PTPN11: variants seen among roughly 807,000 people sequenced by gnomAD.
The protein encoded by PTPN11 is protein tyrosine phosphatase non-receptor type 11.
A neutral mutation model predicts 78.8 loss-of-function variants in PTPN11; 6 were observed. The observed-to-expected ratio is 0.08, with a 90% CI of 0.04 to 0.15. The LOEUF (loss-of-function observed/expected upper bound fraction) is 0.15, where lower values mean the gene tolerates loss of function less well. Ranked by LOEUF, PTPN11 falls within the 10% of genes least tolerant of loss-of-function variation. PTPN11 has a pLI of 1.00. For missense variants in PTPN11, 386 were observed against 744.8 expected (o/e 0.52, Z 5.61); for synonymous variants, 221 against 263.5 (o/e 0.84, Z 1.56).
At chr12:112,456,960 T>A (rs2038171333) in intron 6 of PTPN11, among the ~76,000 whole-genome samples, 1 of 152,162 alleles carries the variant, frequency 6.6e-6, no homozygotes, top group Non-Finnish European at 1.5e-5. Context: ...TACTTTAAGT[T>A]CTGGGATATA....
intron 1 of PTPN11, among the ~76,000 whole-genome samples, chr12:112,439,060 C>A (rs1050971040): frequency 1.3e-5 from 2 of 152,132 alleles, no homozygotes; most frequent in African/African-American, 4.8e-5. Context: ...CTCATTTTAT[C>A]CTCTCAACAA....
intron 9 of PTPN11, among the ~76,000 whole-genome samples, chr12:112,481,656 C>G (rs2135906182): frequency 6.6e-6 from 1 of 152,262 alleles, no homozygotes; most frequent in African/African-American, 2.4e-5. Context: ...TCACGCCTGG[C>G]TAATTTTTGT....
At chr12:112,431,201 C>T (rs1274899850) in intron 1 of PTPN11, among the ~76,000 whole-genome samples, 1 of 152,162 alleles carries the variant, frequency 6.6e-6, no homozygotes, top group Non-Finnish European at 1.5e-5. Context: ...TCCCTCTGGC[C>T]ACAAATGTTT....
intron 6 of PTPN11, among the ~76,000 whole-genome samples, chr12:112,470,090 C>G (rs2038391624): frequency 6.6e-6 from 1 of 152,020 alleles, no homozygotes; most frequent in Admixed American, 6.6e-5. Flanking sequence ...TCTGGCTAAT[C>G]TTTAAATTTT....
chr12:112,439,856 A>G (rs548330743), intron 1 of PTPN11, among the ~76,000 whole-genome samples: 1 of 151,144 alleles, frequency 6.6e-6, no homozygotes, highest in African/African-American at 2.4e-5. Context: ...TGGTCTCCAC[A>G]CCTGTGTTAT....
At chr12:112,499,631 G>A (rs1038966560) in intron 13 of PTPN11, among the ~76,000 whole-genome samples, 9 of 152,036 alleles carry the variant, frequency 5.9e-5, no homozygotes, top group African/African-American at 2.2e-4. Flanking sequence ...GAGCCACAGT[G>A]CCCGGCGGGA....
At chr12:112,476,394 T>C (rs975172845) in intron 7 of PTPN11, among the ~76,000 whole-genome samples, 2 of 152,228 alleles carry the variant, frequency 1.3e-5, no homozygotes, top group African/African-American at 4.8e-5. Flanking sequence ...CAGATTTTTA[T>C]ACGAATAATA....
chr12:112,461,028 G>A (rs1043894997), intron 6 of PTPN11, among the ~76,000 whole-genome samples: 2 of 151,962 alleles, frequency 1.3e-5, no homozygotes, highest in African/African-American at 4.8e-5. Context: ...ACTTAAGCAT[G>A]TATCCATCCC....
chr12:112,425,850 T>A (rs1243777507), intron 1 of PTPN11, among the ~76,000 whole-genome samples: 1 of 152,176 alleles, frequency 6.6e-6, no homozygotes, highest in Non-Finnish European at 1.5e-5. Context: ...CTCCTCAGCC[T>A]CCTGAGTAGC....
chr12:112,468,306 G>A (rs557632007), intron 6 of PTPN11, among the ~76,000 whole-genome samples: 1 of 152,270 alleles, frequency 6.6e-6, no homozygotes, highest in South Asian at 2.1e-4. Context: ...AACCCTGACA[G>A]GAATGTATTC....
chr12:112,442,477 G>T (rs896265228), intron 1 of PTPN11, among the ~76,000 whole-genome samples: 2 of 151,652 alleles, frequency 1.3e-5, no homozygotes, highest in Non-Finnish European at 2.9e-5. Context: ...TTTTGAGATG[G>T]AGTATTGCTC....
intron 1 of PTPN11, among the ~76,000 whole-genome samples, chr12:112,440,600 G>A (rs1437160161): frequency 9.2e-6 from 1 of 108,774 alleles, no homozygotes; most frequent in Non-Finnish European, 1.8e-5. Flanking sequence ...TTAAGACAGA[G>A]TCTCGCTTTG....
chr12:112,435,493 G>A (rs1394550850), intron 1 of PTPN11, among the ~76,000 whole-genome samples: 1 of 152,112 alleles, frequency 6.6e-6, no homozygotes, highest in African/African-American at 2.4e-5. Flanking sequence ...GGGGGTCTAG[G>A]CTGTCTAACT....
rs767920323 is a variant in PTPN11 at position 112,486,522 on chromosome 12, G to A, written c.1272G>A (p.Pro424=). Residue 424 remains proline (P), a synonymous_variant, in exon 11 of 16, where the codon CCG becomes CCA. Coordinates refer to ENST00000351677, the MANE Select transcript of PTPN11 (RefSeq NM_002834.5). ...TVWQYHFRTW[P]DHGVPSDPGG... ...GGCAATACCACTTTCGGACCTGGCC[G>A]GACCACGGCGTGCCCAGCGACCCTG... 5.0e-6 allele frequency: 8 copies of A among 1,614,184 alleles called. No homozygotes were observed. The highest frequency in any genetic ancestry group is 1.7e-5 in the Admixed American group (1 of 60,026).
chr12:112,472,178 G>A (rs1177465093), intron 6 of PTPN11, among the ~76,000 whole-genome samples: 1 of 151,814 alleles, frequency 6.6e-6, no homozygotes, highest in African/African-American at 2.4e-5. Flanking sequence ...TTTTAAGATA[G>A]CGTCTCATTT....
intron 13 of PTPN11, among the ~76,000 whole-genome samples, chr12:112,493,805 C>T (rs764900410): frequency 7.9e-5 from 12 of 152,134 alleles, no homozygotes; most frequent in Non-Finnish European, 1.6e-4. Context: ...TTTTCCCTAC[C>T]CCCAACCCCT....
intron 5 of PTPN11, among the ~76,000 whole-genome samples, chr12:112,455,217 G>A (rs1169695083): frequency 1.3e-5 from 2 of 150,618 alleles, no homozygotes; most frequent in African/African-American, 2.4e-5. Context: ...ATCTGTAAAA[G>A]GCATTACAGA....
At chr12:112,447,201 T>C (rs1013186429) in intron 2 of PTPN11, among the ~76,000 whole-genome samples, 1 of 152,088 alleles carries the variant, frequency 6.6e-6, no homozygotes, top group Non-Finnish European at 1.5e-5. Context: ...AAATACTTGT[T>C]AAGAGTTTCT....
At chr12:112,429,694 C>T (rs539077297) in intron 1 of PTPN11, among the ~76,000 whole-genome samples, 9 of 150,748 alleles carry the variant, frequency 6.0e-5, no homozygotes, top group South Asian at 2.1e-4. Flanking sequence ...ATTCCAGCTA[C>T]GTGGGAGGCT....
Sources: allele counts gnomAD v4.1 joint callset (sites outside exome capture counted in the v4.1 genomes callset), GRCh38; gene constraint gnomAD v4.1.1; transcripts MANE v1.5; gene names NCBI Gene and HGNC (gene_info 2026-07-23, HGNC 2026-07-21).